Variants in CST7 observed in about 807,000 individuals in gnomAD.
CST7 encodes the protein cystatin F.
A neutral mutation model predicts 13.1 loss-of-function variants in CST7; 15 were observed. The observed-to-expected ratio is 1.14, with a 90% CI of 0.77 to 1.76. CST7 has a LOEUF of 1.76. Ranked by LOEUF, CST7 falls within the 40% of genes most tolerant of loss-of-function variation. CST7 has a pLI of 0.00. For synonymous variants in CST7, 75 were observed against 66.9 expected (o/e 1.12, Z -0.59); for missense variants, 193 against 178.8 (o/e 1.08, Z -0.45).
At position 24,959,657 on chromosome 20, in the gene CST7, T is replaced by C; in HGVS notation, c.383T>C (p.Val128Ala). 1 of 1,614,136 alleles carries C rather than the reference T, an allele frequency of 6.2e-7. No individual in the cohort carries two copies. Among genetic ancestry groups the C allele is most frequent in the Non-Finnish European group, 8.5e-7 (1 of 1,180,016 alleles). ...CAGACTCTGAGCTGCTACTCTGAAG[T>C]CTGGGTCGTGCCCTGGCTCCAGCAC... is the stretch of plus-strand genomic sequence containing the variant. Reference protein sequence around the residue: ...LKQTLSCYSEVWVVPWLQHFE... With the variant: ...LKQTLSCYSEAWVVPWLQHFE... The change falls in exon 4 of 4, where the codon GTC (valine) becomes GCC (alanine). Residue 128 changes from valine to alanine, a missense_variant. Transcript: ENST00000480798.
At position 24,959,574 on chromosome 20, in the gene CST7, C is replaced by T. The variant is rs187642533; in HGVS notation, c.361-61C>T. 1.8e-4 allele frequency: 276 copies of T among 1,531,250 alleles called. No individual in the cohort carries two copies. In the African/African-American group the frequency reaches 3.2e-3, roughly 18 times the overall value. 94.9% of individuals were successfully genotyped at this position (1,531,250 alleles called of 1,614,324 possible). ...CTCCTCCATGAGGACCACCCCTCCA[C>T]GGGCAGAGGGCTCCCCGCAGGGAAA... On this transcript the variant is annotated intron_variant, in intron 3 of 3. Coordinates refer to ENST00000480798, the MANE Select transcript of CST7 (RefSeq NM_003650.4).
chr20:24,956,490 C>T (rs926276533), intron 1 of CST7, among the ~76,000 whole-genome samples: 1 of 152,184 alleles, frequency 6.6e-6, no homozygotes, highest in Non-Finnish European at 1.5e-5. Flanking sequence ...GGGAGGCCCC[C>T]GATGCTGCTT....
At chr20:24,959,219 G>C (rs919151600) in intron 3 of CST7, among the ~76,000 whole-genome samples, 175 bp downstream of exon 3, 4 of 152,206 alleles carry the variant, frequency 2.6e-5, no homozygotes, top group Admixed American at 6.5e-5. Flanking sequence ...ACAGGAGGTA[G>C]AGCCTGTGCC....
intron 2 of CST7, 91 bp from the exon 3 acceptor site, chr20:24,958,835 ACC>A (rs2087875748): frequency 3.3e-6 from 3 of 899,818 alleles, no homozygotes; most frequent in Admixed American, 1.8e-5. Context: ...CTCGGTGGGC[ACC>A]TGCACCACTG....
At chr20:24,957,188 C>T (rs2087863765) in intron 1 of CST7, 99 bp from the exon 2 acceptor site, 15 of 1,244,678 alleles carry the variant, frequency 1.2e-5, no homozygotes, top group Non-Finnish European at 1.7e-5. Context: ...GACACACACG[C>T]CAGCAGAGAA....
At position 24,959,000 on chromosome 20, in the gene CST7, C is replaced by G. The variant is rs371415469; in HGVS notation, c.316C>G (p.Arg106Gly). 1.2e-6 allele frequency: 2 copies of G among 1,614,036 alleles called. No homozygotes were observed. Among genetic ancestry groups the G allele is most frequent in the Non-Finnish European group, 1.7e-6 (2 of 1,179,910 alleles). ...RTTCKKNQHL[R>G]LDDCDFQTNH... ...TACCTGCAAGAAAAACCAGCACCTG[C>G]GTCTGGATGACTGTGACTTCCAAAC... Residue 106 changes from arginine (R) to glycine (G), a missense_variant, in exon 3 of 4, where the codon CGT (arginine) becomes GGT (glycine). Coordinates refer to ENST00000480798, the MANE Select transcript of CST7 (RefSeq NM_003650.4).
intron 1 of CST7, among the ~76,000 whole-genome samples, chr20:24,953,693 T>C (rs1255111076): frequency 1.3e-5 from 2 of 152,106 alleles, no homozygotes; most frequent in East Asian, 3.9e-4. Flanking sequence ...CCACCCCGCA[T>C]TAGAAGCAGT....
chr20:24,957,672 A>G (rs2087868225), intron 2 of CST7, among the ~76,000 whole-genome samples: 2 of 152,132 alleles, frequency 1.3e-5, no homozygotes, highest in South Asian at 4.1e-4. Context: ...CACAAAGCAC[A>G]CGGCTCCTGG....
intron 1 of CST7, among the ~76,000 whole-genome samples, chr20:24,957,012 A>AGGGAGAACAGGT: frequency 1.6e-4 from 1 of 6,444 alleles, no homozygotes; most frequent in Non-Finnish European, 2.6e-4. Flanking sequence ...GGGGCAGGTG[A>AGGGAGAACAGGT]GGGGGGCAGG....
intron 1 of CST7, among the ~76,000 whole-genome samples, chr20:24,952,547 G>C (rs1477064417): frequency 1.3e-5 from 2 of 152,206 alleles, no homozygotes; most frequent in African/African-American, 4.8e-5. Context: ...GGGGTGAAGC[G>C]TCTCCAGGTG....
In CST7 at chr20:24,959,761, T is replaced by G. The variant is rs1201774624; in HGVS notation, c.*49T>G. The G allele has an allele frequency of 6.4e-7, 1 of 1,564,580 alleles. No individual in the cohort carries two copies. Among genetic ancestry groups the G allele is most frequent in the Non-Finnish European group, 8.8e-7 (1 of 1,134,932 alleles). On this transcript the variant is annotated 3_prime_UTR_variant, in exon 4 of 4. Transcript: ENST00000480798. ...CAGCCATGACAAACACCAGGATGCA[T>G]GCTCCTTGTCCCCTCCCACCCGCCT...
chr20:24,951,363 C>T (rs910471319), intron 1 of CST7, among the ~76,000 whole-genome samples: 2 of 152,218 alleles, frequency 1.3e-5, no homozygotes, highest in African/African-American at 2.4e-5. Flanking sequence ...CCTCAGCCCC[C>T]TGCTCTGTCT....
chr20:24,955,055 CAA>C (rs201760088), intron 1 of CST7, among the ~76,000 whole-genome samples: 1 of 45,250 alleles, frequency 2.2e-5, no homozygotes, highest in African/African-American at 6.5e-5. Context: ...ACAACAACAA[CAA>C]AAAAAAACGC....
rs2087846788 is a variant in CST7, at chr20:24,955,312, C to T, written c.71-1975C>T. On this transcript the variant is annotated intron_variant, in intron 1 of 3. Transcript: ENST00000480798. Reference sequence around the variant, plus strand: ...ACTGCAGGTCCCAAGGGACCCCTCACTGCCAACACCAGTGTCAGAGTCACC... The same window carrying T: ...ACTGCAGGTCCCAAGGGACCCCTCATTGCCAACACCAGTGTCAGAGTCACC... Among the ~76,000 whole-genome samples the T allele has an allele frequency of 2.0e-5, 3 of 152,222 alleles. No homozygotes were observed. The South Asian group carries it at 6.2e-4, about 32-fold the overall frequency.
In CST7 at chr20:24,957,326, G is replaced by A. The variant is rs1371122903; in HGVS notation, c.110G>A (p.Gly37Glu). The change falls in exon 2 of 4, where the codon GGA (glycine) becomes GAA (glutamate). Residue 37 changes from glycine to glutamate, a missense_variant. Transcript: ENST00000480798. ...GACCTTAACTCACGTGTGAAGCCAG[G>A]ATTTCCTAAAACAATAAAGACCAAT... ...SQDLNSRVKP[G>E]FPKTIKTNDP... 3 of 1,613,504 alleles carry A rather than the reference G, an allele frequency of 1.9e-6. No individual in the cohort carries two copies. The highest frequency in any genetic ancestry group is 1.3e-5 in the African/African-American group (1 of 74,790).
At chr20:24,959,105 G>A (rs1252531328) in intron 3 of CST7, 61 bp downstream of exon 3, 4 of 1,347,238 alleles carry the variant, frequency 3.0e-6, no homozygotes, top group African/African-American at 2.9e-5. Context: ...TCCCTCCCAG[G>A]ACTGTGAAAA....
chr20:24,952,815 G>A (rs1018380344), intron 1 of CST7, among the ~76,000 whole-genome samples: 2 of 152,216 alleles, frequency 1.3e-5, no homozygotes, highest in African/African-American at 4.8e-5. Flanking sequence ...TTCACAAGCA[G>A]GGGCTTCCCA....
intron 1 of CST7, among the ~76,000 whole-genome samples, chr20:24,957,022 GT>G: frequency 1.2e-5 from 1 of 83,196 alleles, no homozygotes. Flanking sequence ...AGGGGGGCAG[GT>G]GAGGGGAGCA....
chr20:24,959,576 G>A, intron 3 of CST7, 59 bp from the exon 4 acceptor site: 1 of 1,537,612 alleles, frequency 6.5e-7, no homozygotes, highest in East Asian at 2.3e-5. Flanking sequence ...CCCCTCCACG[G>A]GCAGAGGGCT....
Sources: allele counts gnomAD v4.1 joint callset (sites outside exome capture counted in the v4.1 genomes callset), GRCh38; gene constraint gnomAD v4.1.1; transcripts MANE v1.5; gene names NCBI Gene and HGNC (gene_info 2026-07-23, HGNC 2026-07-21).